CTNNA2: variants seen among roughly 807,000 people sequenced by gnomAD.
The protein encoded by CTNNA2 is catenin alpha 2, also known as catenin alpha-2.
Under a neutral mutation model 101.0 loss-of-function variants are expected in CTNNA2, and 42 were observed. The ratio of observed to expected loss-of-function variants is 0.42; its 90% confidence interval spans 0.32 to 0.54. The LOEUF (loss-of-function observed/expected upper bound fraction) is 0.54, where lower values mean the gene tolerates loss of function less well. Among genes scored for constraint, CTNNA2 ranks in the 20% least tolerant of loss-of-function variants. CTNNA2 has a pLI of 0.14. For missense variants in CTNNA2, 871 were observed against 1,223.1 expected (o/e 0.71, Z 4.29); for synonymous variants, 450 against 456.4 (o/e 0.99, Z 0.18).
intron 13 of CTNNA2, chr2:80,579,508 G>A (rs1027882876): frequency 1.3e-5 from 2 of 152,188 alleles, no homozygotes; most frequent in Non-Finnish European, 2.9e-5. Context: ...GAAATGATCA[G>A]AGAATATTGT....
chr2:79,368,042 A>G (rs1343147094), intron 3 of CTNNA2, among the ~76,000 whole-genome samples: 1 of 152,190 alleles, frequency 6.6e-6, no homozygotes, highest in Non-Finnish European at 1.5e-5. Context: ...AAAGATGACA[A>G]TGGTTATCAT....
intron 2 of CTNNA2, among the ~76,000 whole-genome samples, chr2:79,264,332 T>C (rs1300035630): frequency 6.6e-6 from 1 of 152,190 alleles, no homozygotes; most frequent in African/African-American, 2.4e-5. Context: ...GTAAAGTACT[T>C]TAAAATACGC....
chr2:80,568,417 G>T (rs1694253992), intron 12 of CTNNA2, among the ~76,000 whole-genome samples: 1 of 152,162 alleles, frequency 6.6e-6, no homozygotes, highest in Non-Finnish European at 1.5e-5. Flanking sequence ...TGGATAGATT[G>T]TCTGTGCTAG....
intron 4 of CTNNA2, among the ~76,000 whole-genome samples, chr2:79,435,455 C>G (rs1034090647): frequency 6.6e-6 from 1 of 152,108 alleles, no homozygotes; most frequent in African/African-American, 2.4e-5. Flanking sequence ...TCTCACAGCC[C>G]CAGGCCACAC....
intron 1 of CTNNA2, among the ~76,000 whole-genome samples, chr2:79,622,721 T>G: frequency 6.6e-6 from 1 of 152,160 alleles, no homozygotes; most frequent in Admixed American, 6.5e-5. Flanking sequence ...CTCTCATGGC[T>G]TAGCCATTCC....
intron 3 of CTNNA2, among the ~76,000 whole-genome samples, chr2:79,846,297 T>G (rs1010670251): frequency 1.8e-4 from 28 of 152,238 alleles, no homozygotes; most frequent in Non-Finnish European, 3.8e-4. Flanking sequence ...CTAGATTGAC[T>G]TCTTATTTTA....
chr2:79,187,166 C>G, intron 1 of CTNNA2, among the ~76,000 whole-genome samples: 1 of 151,812 alleles, frequency 6.6e-6, no homozygotes. Context: ...CATAAATTCC[C>G]TAGTAGAAGG....
At chr2:79,383,229 A>G (rs1214549473) in intron 4 of CTNNA2, among the ~76,000 whole-genome samples, 1 of 152,206 alleles carries the variant, frequency 6.6e-6, no homozygotes, top group African/African-American at 2.4e-5. Flanking sequence ...AGAGACAAGG[A>G]TAATTCACCA....
chr2:80,413,939 T>C (rs1436652912), intron 8 of CTNNA2, among the ~76,000 whole-genome samples: 1 of 152,230 alleles, frequency 6.6e-6, no homozygotes, highest in Non-Finnish European at 1.5e-5. Flanking sequence ...AAGATTTTTG[T>C]ACACATTTAT....
chr2:79,664,755 C>A (rs967011893), intron 2 of CTNNA2, among the ~76,000 whole-genome samples: 2 of 135,550 alleles, frequency 1.5e-5, no homozygotes, highest in African/African-American at 5.5e-5. Context: ...GCTGTCTCCC[C>A]GGTTGGAGTG....
At chr2:80,608,069 GAATGTAATTAAGGTATATGACACT>G (rs1384482115) in intron 16 of CTNNA2, 91 bp from the exon 17 acceptor site, 7 of 920,758 alleles carry the variant, frequency 7.6e-6, no homozygotes, top group Non-Finnish European at 1.1e-5. Flanking sequence ...TAAGTTAAAT[GAATGTAATTAAGGTATATGACACT>G]GAAAACTTTT....
At chr2:80,141,563 C>T (rs1193711974) in intron 7 of CTNNA2, among the ~76,000 whole-genome samples, 1 of 152,054 alleles carries the variant, frequency 6.6e-6, no homozygotes, top group African/African-American at 2.4e-5. Context: ...AGAGCAAGCC[C>T]AAGTGAGGTG....
chr2:79,512,570 C>A (rs188610277), upstream of CTNNA2, among the ~76,000 whole-genome samples: 1 of 151,712 alleles, frequency 6.6e-6, no homozygotes, highest in Non-Finnish European at 1.5e-5. Context: ...CCTATCCCCC[C>A]CGCCCCTATC....
At chr2:80,111,601 G>A (rs1701212111) in intron 7 of CTNNA2, among the ~76,000 whole-genome samples, 1 of 152,146 alleles carries the variant, frequency 6.6e-6, no homozygotes, top group African/African-American at 2.4e-5. Context: ...GTGCAGTGTG[G>A]CAAGATTATG....
At chr2:79,345,224 A>G (rs554775506) in intron 3 of CTNNA2, among the ~76,000 whole-genome samples, 8 of 152,164 alleles carry the variant, frequency 5.3e-5, no homozygotes, top group African/African-American at 1.4e-4. Flanking sequence ...CACAAATACT[A>G]TTACATGTTG....
intron 3 of CTNNA2, among the ~76,000 whole-genome samples, chr2:79,795,129 C>T (rs1243340968): frequency 6.6e-6 from 1 of 152,196 alleles, no homozygotes; most frequent in Non-Finnish European, 1.5e-5. Context: ...AGCAAAGTCT[C>T]AGGGTCATCT....
At chr2:79,235,487 C>A (rs1379374765) in intron 2 of CTNNA2, among the ~76,000 whole-genome samples, 1 of 151,996 alleles carries the variant, frequency 6.6e-6, no homozygotes, top group Non-Finnish European at 1.5e-5. Flanking sequence ...CCCTTCTGAC[C>A]GCTGACTCCA....
intron 7 of CTNNA2, among the ~76,000 whole-genome samples, chr2:79,942,603 A>G (rs113069988): frequency 2.6e-5 from 4 of 152,190 alleles, no homozygotes; most frequent in African/African-American, 4.8e-5. Flanking sequence ...GGTCTTGCCA[A>G]TAATATTCTG....
At chr2:79,752,969 T>A in intron 3 of CTNNA2, among the ~76,000 whole-genome samples, 1 of 152,174 alleles carries the variant, frequency 6.6e-6, no homozygotes, top group East Asian at 1.9e-4. Context: ...ATCCCAAAAA[T>A]GTTTTGTGGA....
Sources: gnomAD v4.1 joint callset for allele counts (sites outside exome capture counted in the v4.1 genomes callset) on GRCh38, gnomAD v4.1.1 for gene constraint, MANE v1.5 for transcripts, NCBI Gene and HGNC (gene_info 2026-07-23, HGNC 2026-07-21) for gene names.